ROBO2: variants seen among roughly 807,000 people sequenced by gnomAD.
The protein encoded by ROBO2 is roundabout guidance receptor 2.
A neutral mutation model predicts 160.8 loss-of-function variants in ROBO2; 53 were observed. The observed-to-expected ratio is 0.33, with a 90% CI of 0.26 to 0.41. The LOEUF is 0.41. ROBO2 is among the 10% of genes least tolerant of loss of function. ROBO2 has a pLI of 1.00. For missense variants in ROBO2, 1,577 were observed against 1,722.4 expected (o/e 0.92, Z 1.49); for synonymous variants, 664 against 611.7 (o/e 1.09, Z -1.26).
intron 2 of ROBO2, among the ~76,000 whole-genome samples, chr3:76,295,185 C>G (rs991028185): frequency 2.6e-5 from 4 of 152,060 alleles, no homozygotes; most frequent in African/African-American, 9.7e-5. Context: ...CTCAGACATA[C>G]TAACTTAGAC....
At chr3:76,756,400 A>G (rs1484185031) in intron 2 of ROBO2, among the ~76,000 whole-genome samples, 1 of 151,928 alleles carries the variant, frequency 6.6e-6, no homozygotes, top group East Asian at 1.9e-4. Context: ...GTAACCTAGA[A>G]TAAAGTATGT....
rs1559737172 is a variant in ROBO2 at position 76,304,754 on chromosome 3, CTTTCTTTCT to C, written c.109+367155_109+367163del. The stretch of plus-strand genomic sequence containing the variant: ...TTTCTTTTCTTTTCTTTCCTTCTTT[CTTTCTTTCT>C]TTCTTTCTTTCTTTCTTTCTTTCTT... On this transcript the variant is annotated intron_variant, in intron 2 of 26. Coordinates refer to the ROBO2 transcript ENST00000487694. 7.2e-4 allele frequency among the ~76,000 whole-genome samples: 93 copies of C among 129,900 alleles called. 1 individual carries two copies. The highest frequency in any genetic ancestry group is 2.2e-3 in the South Asian group (9 of 4,058). The allele number at this position is 129,900 out of a possible 152,430, so 85.2% of individuals were successfully genotyped here. A position where few individuals can be genotyped will look rare whatever the true frequency, so the allele number is the denominator to read the frequency against.
exon 26 of ROBO2, chr3:77,646,974 T>G (rs568129061): frequency 6.6e-6 from 1 of 152,574 alleles, no homozygotes; most frequent in Non-Finnish European, 1.5e-5. Flanking sequence ...AAACATTTTC[T>G]GAATTATCGT....
At position 76,274,253 on chromosome 3, in the gene ROBO2, G is replaced by A. The variant is rs149824556; in HGVS notation, c.109+336651G>A. 8.8e-3 allele frequency among the ~76,000 whole-genome samples: 1,338 copies of A among 151,580 alleles called. 24 individuals are homozygous for A. The highest frequency in any genetic ancestry group is 0.031 in the African/African-American group (1,268 of 41,318). ...GTATTTTTTCTTGAACTTTTGTGGAGCAACAACAAAAAAGAATTTTCACCA... is the reference window on the plus strand; with the variant it reads ...GTATTTTTTCTTGAACTTTTGTGGAACAACAACAAAAAAGAATTTTCACCA... On this transcript the variant is annotated intron_variant, in intron 2 of 26. Transcript: ENST00000487694.
intron 2 of ROBO2, among the ~76,000 whole-genome samples, chr3:77,231,901 C>T (rs60775337): frequency 0.031 from 4,656 of 152,248 alleles, 81 homozygotes; most frequent in Middle Eastern, 0.051. Flanking sequence ...CTCCAACGTC[C>T]TTTAATGTTT....
intron 20 of ROBO2, chr3:77,604,105 C>A (rs1320234570): frequency 1.3e-5 from 2 of 152,078 alleles, no homozygotes; most frequent in Admixed American, 6.6e-5. Flanking sequence ...AATGTTAATG[C>A]TCCCTCTTCC....
intron 1 of ROBO2, among the ~76,000 whole-genome samples, chr3:77,083,566 G>A (rs1398638778): frequency 6.6e-6 from 1 of 152,108 alleles, no homozygotes; most frequent in Non-Finnish European, 1.5e-5. Context: ...GAAACGATGA[G>A]GCATTTAGGA....
chr3:77,554,122 A>G lies in ROBO2; in HGVS notation c.1231+3133A>G, dbSNP rs188425185. On this transcript the variant is annotated intron_variant, in intron 8 of 25. Transcript: ENST00000461745. ...GCTCATTTACTATTTCAAAAATTCT[A>G]TGACCCTTAGAATTATTCCAAATCT... Among the ~76,000 whole-genome samples, 7 of 152,004 alleles carry G rather than the reference A, an allele frequency of 4.6e-5. No individual in the cohort carries two copies. In the East Asian group the frequency reaches 7.8e-4, roughly 17 times the overall value.
At chr3:77,268,754 C>G (rs982050326) in intron 2 of ROBO2, among the ~76,000 whole-genome samples, 14 of 152,150 alleles carry the variant, frequency 9.2e-5, no homozygotes, top group African/African-American at 3.4e-4. Context: ...TATTGCTAAA[C>G]TAAAGTTGAA....
intron 6 of ROBO2, among the ~76,000 whole-genome samples, chr3:77,527,804 T>C (rs2091308391): frequency 6.6e-6 from 1 of 151,584 alleles, no homozygotes; most frequent in Non-Finnish European, 1.5e-5. Context: ...ATGAACTAAA[T>C]TAAAAAATTC....
intron 2 of ROBO2, among the ~76,000 whole-genome samples, chr3:76,071,815 A>T (rs1354539801): frequency 6.6e-6 from 1 of 152,080 alleles, no homozygotes; most frequent in Non-Finnish European, 1.5e-5. Flanking sequence ...TTATTAATTA[A>T]AAGCTGATTT....
chr3:76,402,463 T>C (rs1258816567), intron 2 of ROBO2, among the ~76,000 whole-genome samples: 1 of 151,548 alleles, frequency 6.6e-6, no homozygotes, highest in East Asian at 1.9e-4. Context: ...ACTAGTGTAG[T>C]AGATTAGCAA....
chr3:77,264,880 C>A (rs1232380924), intron 2 of ROBO2, among the ~76,000 whole-genome samples: 1 of 152,068 alleles, frequency 6.6e-6, no homozygotes, highest in East Asian at 1.9e-4. Flanking sequence ...TATTATATTT[C>A]AACATTTTTA....
intron 2 of ROBO2, among the ~76,000 whole-genome samples, chr3:77,416,155 T>G (rs2153527469): frequency 6.6e-6 from 1 of 152,274 alleles, no homozygotes; most frequent in East Asian, 1.9e-4. Flanking sequence ...CCCAAGTTGG[T>G]GGCCCTTTGT....
intron 2 of ROBO2, among the ~76,000 whole-genome samples, chr3:76,006,797 T>A: frequency 6.6e-6 from 1 of 152,104 alleles, no homozygotes; most frequent in East Asian, 1.9e-4. Context: ...TAAAATTTAT[T>A]TTTTTGCTTC....
At chr3:76,457,382 T>C (rs930346165) in intron 2 of ROBO2, among the ~76,000 whole-genome samples, 15 of 152,202 alleles carry the variant, frequency 9.9e-5, no homozygotes, top group African/African-American at 3.6e-4. Flanking sequence ...AAAGGATCTC[T>C]TTTGACTCCA....
chr3:75,912,862 A>C (rs1946658545), intron 1 of ROBO2, among the ~76,000 whole-genome samples: 1 of 152,186 alleles, frequency 6.6e-6, no homozygotes, highest in South Asian at 2.1e-4. Flanking sequence ...CTTTTCTGGA[A>C]TCCCTTAAGT....
At chr3:76,070,540 CT>C (rs1243530852) in intron 2 of ROBO2, among the ~76,000 whole-genome samples, 5 of 152,202 alleles carry the variant, frequency 3.3e-5, no homozygotes, top group African/African-American at 4.8e-5. Context: ...AATTTCGCCC[CT>C]GTCCTGTGGT....
intron 2 of ROBO2, among the ~76,000 whole-genome samples, chr3:76,405,425 T>C (rs1016206358): frequency 6.6e-6 from 1 of 151,628 alleles, no homozygotes; most frequent in Non-Finnish European, 1.5e-5. Context: ...GAGGCTGAAA[T>C]GTAGTTTAGT....
Sources: gnomAD v4.1 joint callset for allele counts (sites outside exome capture counted in the v4.1 genomes callset) on GRCh38, gnomAD v4.1.1 for gene constraint, MANE v1.5 for transcripts, NCBI Gene and HGNC (gene_info 2026-07-23, HGNC 2026-07-21) for gene names.